TECRL: variants seen among roughly 807,000 people sequenced by gnomAD.
TECRL encodes the protein trans-2,3-enoyl-CoA reductase like, also known as trans-2,3-enoyl-CoA reductase-like.
Under a neutral mutation model 52.8 loss-of-function variants are expected in TECRL, and 63 were observed. That is an observed-to-expected ratio of 1.19 (90% CI 0.97 to 1.47). The LOEUF (loss-of-function observed/expected upper bound fraction) is 1.47, where lower values mean the gene tolerates loss of function less well. TECRL is among the 40% of genes most tolerant of loss of function. TECRL has a pLI of 0.00. For synonymous variants in TECRL, 164 were observed against 141.9 expected (o/e 1.16, Z -1.10); for missense variants, 482 against 429.6 (o/e 1.12, Z -1.08).
chr4:64,306,680 G>C (rs1236640701), intron 6 of TECRL, among the ~76,000 whole-genome samples: 1 of 152,178 alleles, frequency 6.6e-6, no homozygotes, highest in African/African-American at 2.4e-5. Context: ...CAGTCAAGGA[G>C]ACCCACTGGC....
At chr4:64,382,928 C>T (rs568221911) in intron 1 of TECRL, among the ~76,000 whole-genome samples, 2 of 152,112 alleles carry the variant, frequency 1.3e-5, no homozygotes, top group South Asian at 4.1e-4. Flanking sequence ...TATCCTTTTG[C>T]TTTCAGATGT....
At chr4:64,282,358 C>T (rs1384790623) in intron 9 of TECRL, among the ~76,000 whole-genome samples, 2 of 151,936 alleles carry the variant, frequency 1.3e-5, no homozygotes, top group Non-Finnish European at 2.9e-5. Flanking sequence ...ATCAGCTAAA[C>T]TCTTTTACTT....
chr4:64,350,418 T>G (rs565279964), intron 2 of TECRL, among the ~76,000 whole-genome samples: 1 of 152,336 alleles, frequency 6.6e-6, no homozygotes, highest in East Asian at 1.9e-4. Flanking sequence ...GTTAATTTTA[T>G]CTGATGAATT....
intron 1 of TECRL, among the ~76,000 whole-genome samples, chr4:64,387,472 G>A (rs181720326): frequency 1.4e-3 from 217 of 152,162 alleles, no homozygotes; most frequent in Middle Eastern, 6.8e-3. Flanking sequence ...ATTTAGTTTC[G>A]TGAGAAACCA....
At chr4:64,406,180 G>GTGTGTGTT (rs67441561) in intron 1 of TECRL, among the ~76,000 whole-genome samples, 1 of 151,466 alleles carries the variant, frequency 6.6e-6, no homozygotes, top group Admixed American at 6.6e-5. Context: ...GTGTGTGTGT[G>GTGTGTGTT]TATGTGTGTA....
chr4:64,356,400 G>C (rs1352588171), intron 2 of TECRL, among the ~76,000 whole-genome samples: 1 of 152,136 alleles, frequency 6.6e-6, no homozygotes, highest in Non-Finnish European at 1.5e-5. Flanking sequence ...GAATGTCTCG[G>C]TATAAAACCT....
At chr4:64,370,928 A>G (rs1271033074) in intron 2 of TECRL, among the ~76,000 whole-genome samples, 2 of 151,854 alleles carry the variant, frequency 1.3e-5, no homozygotes, top group African/African-American at 2.4e-5. Context: ...ATGTTTTGAT[A>G]TAATTTTGAA....
intron 2 of TECRL, among the ~76,000 whole-genome samples, chr4:64,355,613 A>G (rs1720710686): frequency 6.6e-6 from 1 of 151,882 alleles, no homozygotes; most frequent in African/African-American, 2.4e-5. Context: ...CCTGGCGAAC[A>G]CAGTGAAACC....
chr4:64,317,980 A>T (rs1717623669), intron 4 of TECRL, among the ~76,000 whole-genome samples: 1 of 152,118 alleles, frequency 6.6e-6, no homozygotes, highest in Non-Finnish European at 1.5e-5. Flanking sequence ...GCCTCATAAA[A>T]CTGTCTCCAC....
At chr4:64,333,414 GT>G (rs1718793380) in intron 2 of TECRL, among the ~76,000 whole-genome samples, 1 of 152,094 alleles carries the variant, frequency 6.6e-6, no homozygotes, top group South Asian at 2.1e-4. Flanking sequence ...AGAAAAAGAA[GT>G]TGATTTCAAG....
chr4:64,322,301 C>T (rs989285549), intron 4 of TECRL, among the ~76,000 whole-genome samples: 1 of 151,980 alleles, frequency 6.6e-6, no homozygotes, highest in Admixed American at 6.5e-5. Context: ...CTCCCATCTC[C>T]TCAGGGGCAG....
At chr4:64,378,765 A>G (rs1464106643) in intron 1 of TECRL, among the ~76,000 whole-genome samples, 1 of 152,058 alleles carries the variant, frequency 6.6e-6, no homozygotes, top group Non-Finnish European at 1.5e-5. Flanking sequence ...GAGTTTTAAC[A>G]AGGTTTAAAT....
intron 1 of TECRL, among the ~76,000 whole-genome samples, chr4:64,390,224 A>G (rs1179854175): frequency 6.6e-6 from 1 of 151,940 alleles, no homozygotes; most frequent in African/African-American, 2.4e-5. Flanking sequence ...GAACTTTAGC[A>G]CATGAATTTT....
chr4:64,334,023 T>C (rs1718852511), intron 2 of TECRL, among the ~76,000 whole-genome samples: 1 of 9,608 alleles, frequency 1.0e-4, no homozygotes, highest in South Asian at 5.3e-3. Flanking sequence ...AGAGCGAGAC[T>C]CCGTCTCAAA....
intron 7 of TECRL, chr4:64,304,898 ATTG>A (rs1287629583): frequency 8.2e-6 from 2 of 244,136 alleles, no homozygotes; most frequent in Non-Finnish European, 1.6e-5. Context: ...TTTATCTTTA[ATTG>A]TTGTTTTTTC....
intron 2 of TECRL, among the ~76,000 whole-genome samples, chr4:64,335,723 G>C (rs991750393): frequency 6.6e-6 from 1 of 152,070 alleles, no homozygotes; most frequent in Admixed American, 6.6e-5. Context: ...TCTTCAACTA[G>C]TATTTATATT....
chr4:64,342,921 A>T (rs766719013), intron 2 of TECRL, among the ~76,000 whole-genome samples: 1 of 152,178 alleles, frequency 6.6e-6, no homozygotes, highest in Non-Finnish European at 1.5e-5. Flanking sequence ...CTATGAAAAT[A>T]CAAGGTTATA....
intron 6 of TECRL, 32 bp from the exon 7 acceptor site, chr4:64,305,270 G>T: frequency 6.3e-7 from 1 of 1,575,070 alleles, no homozygotes; most frequent in Non-Finnish European, 8.7e-7. Context: ...ATAAAAGTTA[G>T]GAAAAATATG....
chr4:64,338,245 C>T (rs1313357117), intron 2 of TECRL, among the ~76,000 whole-genome samples: 4 of 152,160 alleles, frequency 2.6e-5, no homozygotes, highest in African/African-American at 9.7e-5. Flanking sequence ...AAAGCTGAAA[C>T]TGGATCCCTT....
Sources: gnomAD v4.1 joint callset for allele counts (sites outside exome capture counted in the v4.1 genomes callset) on GRCh38, gnomAD v4.1.1 for gene constraint, MANE v1.5 for transcripts, NCBI Gene and HGNC (gene_info 2026-07-23, HGNC 2026-07-21) for gene names.